Variants in GYS2 observed in about 807,000 individuals in gnomAD.
GYS2 encodes the protein glycogen [starch] synthase, liver.
Under a neutral mutation model 85.6 loss-of-function variants are expected in GYS2, and 80 were observed. That is an observed-to-expected ratio of 0.93 (90% CI 0.78 to 1.13). GYS2 has a LOEUF of 1.13. GYS2 is among the 50% of genes most tolerant of loss of function. The pLI, the probability that GYS2 is intolerant of heterozygous loss-of-function variation, is 0.00. For synonymous variants in GYS2, 328 were observed against 300.7 expected, an observed-to-expected ratio of 1.09 and a Z score of -0.94; for missense variants, 881 against 854.9, an observed-to-expected ratio of 1.03 and a Z score of -0.38.
intron 1 of GYS2, among the ~76,000 whole-genome samples, chr12:21,582,594 GATAGAT>G (rs71053324): frequency 0.45 from 67,269 of 148,584 alleles, 16,930 homozygotes; most frequent in East Asian, 0.68. Context: ...TAGATATAGA[GATAGAT>G]ATAGATATAG....
intron 2 of GYS2, among the ~76,000 whole-genome samples, chr12:21,578,082 T>C (rs1377789542): frequency 1.3e-5 from 2 of 152,160 alleles, no homozygotes; most frequent in Non-Finnish European, 2.9e-5. Flanking sequence ...TGATTTCTTC[T>C]CTAAAATATT....
chr12:21,564,511 G>A (rs1247497285), intron 5 of GYS2, among the ~76,000 whole-genome samples: 1 of 151,788 alleles, frequency 6.6e-6, no homozygotes, highest in Non-Finnish European at 1.5e-5. Context: ...CAGGCTTTTT[G>A]GTCATTTTTT....
downstream of GYS2, among the ~76,000 whole-genome samples, chr12:21,533,170 C>T (rs1446142299): frequency 2.6e-5 from 4 of 152,132 alleles, no homozygotes; most frequent in East Asian, 7.7e-4. Context: ...GTTCTCATTG[C>T]CCTTCTCTTT....
intron 13 of GYS2, 97 bp from the exon 14 acceptor site, chr12:21,540,670 C>T: frequency 9.3e-7 from 1 of 1,077,324 alleles, no homozygotes; most frequent in Non-Finnish European, 1.4e-6. Flanking sequence ...CATCAAAAAC[C>T]TATGCATTAT....
At chr12:21,569,173 C>T (rs1254258889) in intron 4 of GYS2, among the ~76,000 whole-genome samples, 164 bp from the exon 5 acceptor site, 23 of 152,278 alleles carry the variant, frequency 1.5e-4, no homozygotes, top group East Asian at 1.9e-4. Context: ...CTACAATATA[C>T]ATAAGGAATT....
At position 21,540,507 on chromosome 12, in the gene GYS2, A is replaced by C; in HGVS notation, c.1712T>G (p.Leu571Arg). The C allele has an allele frequency of 6.2e-7, 1 of 1,613,924 alleles. No individual in the cohort carries two copies. Among genetic ancestry groups the C allele is most frequent in the Non-Finnish European group, 8.5e-7 (1 of 1,179,840 alleles). Residue 571 changes from leucine (L) to arginine (R), a missense_variant, in exon 14 of 16, where the codon CTC (leucine) becomes CGC (arginine). Coordinates refer to ENST00000261195, the MANE Select transcript of GYS2 (RefSeq NM_021957.4). ...GCGTGACTGTTTGCAAAATCCATAGAGAAACTTAGTCAGCTGATTGCAAGA... is the reference window on the plus strand; with the variant it reads ...GCGTGACTGTTTGCAAAATCCATAGCGAAACTTAGTCAGCTGATTGCAAGA... ...DDSCNQLTKF[L>R]YGFCKQSRRQ...
intron 12 of GYS2, among the ~76,000 whole-genome samples, chr12:21,543,907 T>C (rs115031049): frequency 0.019 from 2,893 of 152,298 alleles, 100 homozygotes; most frequent in African/African-American, 0.067. Context: ...TATACACATA[T>C]GTATACAAAA....
Position 21,537,139 on chromosome 12 carries a change from G to T in GYS2, c.1927C>A (p.Pro643Thr). The part of the protein sequence containing the change: ...GFKYPRPSSV[P>T]PSPSGSQASS... Reference sequence around the variant, plus strand: ...GCCTGAGACCCTGAAGGAGAAGGTGGTACTGAGGAAGGCCTGGGATATTTA... The same window carrying T: ...GCCTGAGACCCTGAAGGAGAAGGTGTTACTGAGGAAGGCCTGGGATATTTA... The change falls in exon 16 of 16, where the codon CCA (proline) becomes ACA (threonine). Residue 643 changes from proline (P) to threonine (T), a missense_variant. Physicochemically the swap from Pro to Thr is conservative, Grantham distance 38. Coordinates refer to ENST00000261195, the MANE Select transcript of GYS2 (RefSeq NM_021957.4). 6.2e-7 allele frequency: 1 copy of T among 1,613,844 alleles called. No homozygotes were observed. The highest frequency in any genetic ancestry group is 8.5e-7 in the Non-Finnish European group (1 of 1,179,828).
chr12:21,566,943 T>A (rs1461816042), intron 5 of GYS2, among the ~76,000 whole-genome samples: 1 of 152,120 alleles, frequency 6.6e-6, no homozygotes, highest in Admixed American at 6.5e-5. Flanking sequence ...TCTTGGAGAA[T>A]GTCCACTTTG....
At chr12:21,550,410 C>T (rs1944093726) in intron 11 of GYS2, among the ~76,000 whole-genome samples, 1 of 151,948 alleles carries the variant, frequency 6.6e-6, no homozygotes, top group African/African-American at 2.4e-5. Context: ...TTCTGTGTAA[C>T]TAATCTTTCT....
intron 1 of GYS2, among the ~76,000 whole-genome samples, chr12:21,587,754 T>A (rs1944590830): frequency 6.6e-6 from 1 of 152,082 alleles, no homozygotes; most frequent in Admixed American, 6.6e-5. Context: ...TAGATCTGAT[T>A]GAAAAGGCAA....
intron 2 of GYS2, among the ~76,000 whole-genome samples, chr12:21,579,343 C>A (rs2076139251): frequency 7.6e-6 from 1 of 131,542 alleles, no homozygotes; most frequent in African/African-American, 2.8e-5. Flanking sequence ...TATTTTCTTA[C>A]TTCTTCTTTT....
intron 1 of GYS2, among the ~76,000 whole-genome samples, chr12:21,587,781 A>T (rs1944591020): frequency 6.6e-6 from 1 of 152,192 alleles, no homozygotes; most frequent in Non-Finnish European, 1.5e-5. Flanking sequence ...AGCAAGCAAA[A>T]TATCACTTAA....
chr12:21,595,756 CAT>C lies in GYS2; in HGVS notation c.121+8714_121+8715del, dbSNP rs557240999. On this transcript the variant is annotated intron_variant, in intron 1 of 15. Coordinates refer to ENST00000261195, the MANE Select transcript of GYS2 (RefSeq NM_021957.4). ...AACAGGAAAATATCACAATCTTAAA[CAT>C]ATATGCACCTAACACTGGAGCTCCC... is the stretch of plus-strand genomic sequence containing the variant. 4.6e-5 allele frequency among the ~76,000 whole-genome samples: 7 copies of C among 152,172 alleles called. No homozygotes were observed. In the South Asian group the frequency reaches 1.0e-3, roughly 23 times the overall value.
In GYS2 at chr12:21,604,554, A is replaced by C. The variant is rs1477540964; in HGVS notation, c.39T>G (p.Gly13=). 1 of 1,612,672 alleles carries C rather than the reference A, an allele frequency of 6.2e-7. No homozygotes were observed. Among genetic ancestry groups the C allele is most frequent in the Non-Finnish European group, 8.5e-7 (1 of 1,178,906 alleles). ...RGRSLSVTSL[G]GLPQWEVEEL... is the part of the protein sequence containing the mutation. ...CTTCGACTTCCCACTGGGGAAGCCC[A>C]CCCAGGGATGTTACAGAGAGGGATC... is the stretch of plus-strand genomic sequence containing the variant. Residue 13 remains glycine, a synonymous_variant, in exon 1 of 16, where the codon GGT becomes GGG. Coordinates refer to ENST00000261195, the MANE Select transcript of GYS2 (RefSeq NM_021957.4).
chr12:21,556,420 C>T (rs1441010646), intron 11 of GYS2, among the ~76,000 whole-genome samples: 7 of 152,146 alleles, frequency 4.6e-5, no homozygotes, highest in Admixed American at 1.3e-4. Context: ...ATCCACCTAC[C>T]GCAACCTCCC....
intron 11 of GYS2, among the ~76,000 whole-genome samples, chr12:21,552,317 C>A (rs1944121808): frequency 1.3e-5 from 2 of 152,212 alleles, no homozygotes; most frequent in Non-Finnish European, 2.9e-5. Context: ...GCTTTCCTCA[C>A]CACACTACGT....
intron 15 of GYS2, among the ~76,000 whole-genome samples, chr12:21,538,471 A>T (rs1032086018): frequency 1.1e-4 from 17 of 152,208 alleles, no homozygotes; most frequent in African/African-American, 4.1e-4. Flanking sequence ...ATAATTGGGC[A>T]TATTCCTTGC....
At position 21,551,193 on chromosome 12, in the gene GYS2, A is replaced by G. The variant is rs181122325; in HGVS notation, c.1423-4723T>C. ...ACCCCACAACAGTCCCCAGAGTGTG[A>G]TGTTCCCCTTCCTGTGTCCATATGA... On this transcript the variant is annotated intron_variant, in intron 11 of 15. Transcript: ENST00000261195. Among the ~76,000 whole-genome samples, 10 of 119,998 alleles carry G rather than the reference A, an allele frequency of 8.3e-5. No homozygotes were observed. The South Asian group carries it at 2.7e-3, about 33-fold the overall frequency. The allele number at this position is 119,998 out of a possible 152,430, so 78.7% of individuals were successfully genotyped here.
Sources: gnomAD v4.1 joint callset for allele counts (sites outside exome capture counted in the v4.1 genomes callset) on GRCh38, gnomAD v4.1.1 for gene constraint, MANE v1.5 for transcripts, NCBI Gene and HGNC (gene_info 2026-07-23, HGNC 2026-07-21) for gene names.